The following WDR33 variants were observed in gnomAD, a reference collection of about 807,000 sequenced individuals.
WDR33 encodes the protein pre-mRNA 3' end processing protein WDR33.
Under a neutral mutation model 164.9 loss-of-function variants are expected in WDR33, and 47 were observed. That is an observed-to-expected ratio of 0.29 (90% CI 0.23 to 0.36). The LOEUF (loss-of-function observed/expected upper bound fraction) is 0.36. Among genes scored for constraint, WDR33 ranks in the 10% least tolerant of loss-of-function variants. The probability of loss-of-function intolerance (pLI) is 1.00; values close to 1 mark genes in which losing one functional copy is unlikely to be tolerated. For synonymous variants in WDR33, 505 were observed against 589.0 expected, an observed-to-expected ratio of 0.86 and a Z score of 2.06; for missense variants, 1,137 against 1,754.1, an observed-to-expected ratio of 0.65 and a Z score of 6.28.
At chr2:127,799,509 T>C (rs566466022) in intron 1 of WDR33, among the ~76,000 whole-genome samples, 13 of 152,232 alleles carry the variant, frequency 8.5e-5, no homozygotes, top group African/African-American at 2.4e-4. Flanking sequence ...AAAGAAGATA[T>C]ACAGGCTGGA....
chr2:127,711,757 T>TAG (rs1686171700), intron 18 of WDR33, among the ~76,000 whole-genome samples: 1 of 76,038 alleles, frequency 1.3e-5, no homozygotes, highest in Non-Finnish European at 2.2e-5. Context: ...TACAGATATA[T>TAG]ATATATATAT....
rs1308033138 is a variant in WDR33, at chr2:127,764,536, G to A, written c.626+292C>T. 6.5e-7 allele frequency: 1 copy of A among 1,530,766 alleles called. No individual in the cohort carries two copies. Among genetic ancestry groups the A allele is most frequent in the Admixed American group, 2.2e-5 (1 of 44,866 alleles). 94.8% of individuals were successfully genotyped at this position (1,530,766 alleles called of 1,614,324 possible). On this transcript the variant is annotated intron_variant, in intron 6 of 21. Coordinates refer to ENST00000322313, the MANE Select transcript of WDR33 (RefSeq NM_018383.5). The surrounding 1 kb of genome is among the most constrained non-coding windows in gnomAD (Gnocchi z 6.2). ...GTCTTACACAGTAGATAATAAAAAG[G>A]AATAACGTATACACATTATTAATCA... is the stretch of plus-strand genomic sequence containing the variant.
At chr2:127,742,860 T>TAAAAAAAAAAAAA (rs34957656) in intron 7 of WDR33, among the ~76,000 whole-genome samples, 1 of 127,006 alleles carries the variant, frequency 7.9e-6, no homozygotes. Context: ...TACTCACAGT[T>TAAAAAAAAAAAAA]AAAAAAAAAA....
chr2:127,800,182 G>A (rs189812191), intron 1 of WDR33, among the ~76,000 whole-genome samples: 2 of 152,300 alleles, frequency 1.3e-5, no homozygotes, highest in African/African-American at 4.8e-5. Flanking sequence ...AAAGCATTAT[G>A]TCCACACAAA....
At position 127,811,080 on chromosome 2, in the gene WDR33, C is replaced by T. The variant is rs1330434409; in HGVS notation, c.-92G>A. 1 of 152,728 alleles carries T rather than the reference C, an allele frequency of 6.5e-6. No individual in the cohort carries two copies. The highest frequency in any genetic ancestry group is 1.5e-5 in the Non-Finnish European group (1 of 68,068). 9.5% of individuals were successfully genotyped at this position (152,728 alleles called of 1,614,324 possible). A position where few individuals can be genotyped will look rare whatever the true frequency, so the allele number is the denominator to read the frequency against. On this transcript the variant is annotated 5_prime_UTR_variant, in exon 1 of 22. Coordinates refer to ENST00000322313, the MANE Select transcript of WDR33 (RefSeq NM_018383.5). The surrounding 1 kb of genome is among the most constrained non-coding windows in gnomAD (Gnocchi z 4.1). Reference sequence around the variant, plus strand: ...CGCCTTCAGAGCCAGAAATGTCTCTCTTGTTTGGTCTCCCCACCCCGATCC... The same window carrying T: ...CGCCTTCAGAGCCAGAAATGTCTCTTTTGTTTGGTCTCCCCACCCCGATCC...
At chr2:127,730,739 T>C (rs1686681227) in intron 7 of WDR33, among the ~76,000 whole-genome samples, 1 of 152,216 alleles carries the variant, frequency 6.6e-6, no homozygotes, top group African/African-American at 2.4e-5. Flanking sequence ...CATTTTGATA[T>C]GGTTACCAAA....
Position 127,722,474 on chromosome 2 carries a change from C to G in WDR33, c.1518+117G>C. ...AGAACCATGTCTAAGAGTACGTGAA[C>G]ATGGGAAAAATGCTCCAGTACAGAA... On this transcript the variant is annotated intron_variant, in intron 14 of 21. Coordinates refer to ENST00000322313, the MANE Select transcript of WDR33 (RefSeq NM_018383.5). The surrounding 1 kb of genome is among the most constrained non-coding windows in gnomAD (Gnocchi z 5.1). The G allele has an allele frequency of 7.1e-7, 1 of 1,402,314 alleles. No individual in the cohort carries two copies. The highest frequency in any genetic ancestry group is 9.7e-7 in the Non-Finnish European group (1 of 1,034,722). The allele number at this position is 1,402,314 out of a possible 1,614,324, so 86.9% of individuals were successfully genotyped here.
At chr2:127,777,671 G>A (rs1295026918) in intron 1 of WDR33, among the ~76,000 whole-genome samples, 1 of 152,170 alleles carries the variant, frequency 6.6e-6, no homozygotes, top group Non-Finnish European at 1.5e-5. Flanking sequence ...TGTTGCTCAG[G>A]ATGGAATACA....
At chr2:127,782,492 C>T (rs1025139380) in intron 1 of WDR33, among the ~76,000 whole-genome samples, 2 of 152,068 alleles carry the variant, frequency 1.3e-5, no homozygotes, top group Non-Finnish European at 2.9e-5. Context: ...CGTTCAGGTA[C>T]GGCCTTAGTT....
chr2:127,772,265 C>T (rs1462712194), intron 1 of WDR33, among the ~76,000 whole-genome samples: 1 of 152,036 alleles, frequency 6.6e-6, no homozygotes, highest in Middle Eastern at 3.2e-3. Flanking sequence ...GGTGAAACCC[C>T]GTCTCTACTA....
chr2:127,762,985 A>T (rs1012785659), intron 7 of WDR33, 77 bp downstream of exon 7: 2 of 1,605,694 alleles, frequency 1.2e-6, no homozygotes, highest in African/African-American at 2.7e-5. Flanking sequence ...GTAAGCCAGT[A>T]TTGTGGTTTT....
At chr2:127,740,397 G>A (rs981055731) in intron 7 of WDR33, among the ~76,000 whole-genome samples, 12 of 150,972 alleles carry the variant, frequency 7.9e-5, no homozygotes, top group African/African-American at 2.2e-4. Flanking sequence ...CTACACACAC[G>A]CACACATACA....
chr2:127,762,922 T>G, intron 7 of WDR33, 140 bp downstream of exon 7: 1 of 1,440,230 alleles, frequency 6.9e-7, no homozygotes, highest in Non-Finnish European at 9.1e-7. Context: ...AGTGCTGGGT[T>G]TTTTTGAAGA....
chr2:127,769,198 T>C (rs189106337), intron 2 of WDR33, among the ~76,000 whole-genome samples, 197 bp from the exon 3 acceptor site: 12 of 152,268 alleles, frequency 7.9e-5, no homozygotes, highest in African/African-American at 2.6e-4. Flanking sequence ...TAACATTGCT[T>C]AGAACTTCCC....
At chr2:127,727,991 C>T (rs1027203204) in intron 7 of WDR33, among the ~76,000 whole-genome samples, 4 of 152,202 alleles carry the variant, frequency 2.6e-5, no homozygotes, top group African/African-American at 9.6e-5. Flanking sequence ...TATCCCAACA[C>T]AATACCCCGT....
chr2:127,736,777 A>G (rs1686858290), intron 7 of WDR33: 2 of 985,288 alleles, frequency 2.0e-6, no homozygotes, highest in Non-Finnish European at 2.4e-6. Flanking sequence ...TTTGAGTCAA[A>G]TAAAAACATA....
At chr2:127,736,837 CTT>C (rs1284238877) in intron 7 of WDR33, 3 of 985,302 alleles carry the variant, frequency 3.0e-6, no homozygotes, top group Non-Finnish European at 3.6e-6. Context: ...CTGTTAAACT[CTT>C]TTACAATAAC....
In WDR33 at chr2:127,788,458, T is replaced by G. The variant is rs1573463485; in HGVS notation, c.-23-17454A>C. ...CCACCTCCCTCCCGGACGGGGCGGCTGGCCGGGCGGGGGGCTGACACCCCC... is the reference window on the plus strand; with the variant it reads ...CCACCTCCCTCCCGGACGGGGCGGCGGGCCGGGCGGGGGGCTGACACCCCC... On this transcript the variant is annotated intron_variant, in intron 1 of 21. Coordinates refer to ENST00000322313, the MANE Select transcript of WDR33 (RefSeq NM_018383.5). Among the ~76,000 whole-genome samples, 4 of 117,054 alleles carry G rather than the reference T, an allele frequency of 3.4e-5. No individual in the cohort carries two copies. The South Asian group carries it at 1.2e-3, about 35-fold the overall frequency. 76.8% of individuals were successfully genotyped at this position (117,054 alleles called of 152,430 possible).
rs1310354216 is a variant in WDR33, at chr2:127,709,031, C to T, written c.3566-139G>A. The T allele has an allele frequency of 1.2e-6, 1 of 868,018 alleles. No individual in the cohort carries two copies. Among genetic ancestry groups the T allele is most frequent in the African/African-American group, 1.7e-5 (1 of 58,816 alleles). 53.8% of individuals were successfully genotyped at this position (868,018 alleles called of 1,614,324 possible). On this transcript the variant is annotated intron_variant, in intron 20 of 21. Transcript: ENST00000322313. This position sits in a 1 kb window ranked among gnomAD's most constrained non-coding sequence, Gnocchi z 5.0. ...TGCCCGCCAGAGGCCAAAGGGTAAG[C>T]CACCCAGACATCAGGGTGCCTCCTC...
Sources: allele counts gnomAD v4.1 joint callset (sites outside exome capture counted in the v4.1 genomes callset), GRCh38; gene constraint gnomAD v4.1.1; non-coding constraint Gnocchi (gnomAD v3.1); transcripts MANE v1.5; gene names NCBI Gene and HGNC (gene_info 2026-07-23, HGNC 2026-07-21).